RAPGEF5: variants seen among roughly 807,000 people sequenced by gnomAD.
RAPGEF5 encodes M-Ras-regulated GEF.
RAPGEF5 carries 65 observed loss-of-function variants against 125.2 expected under a neutral mutation model. That is an observed-to-expected ratio of 0.52 (90% CI 0.43 to 0.64). The LOEUF (loss-of-function observed/expected upper bound fraction) is 0.64. Among genes scored for constraint, RAPGEF5 ranks in the 30% least tolerant of loss-of-function variants. RAPGEF5 has a pLI of 0.00. For synonymous variants in RAPGEF5, 391 were observed against 385.9 expected, an observed-to-expected ratio of 1.01 and a Z score of -0.16; for missense variants, 958 against 1,048.1, an observed-to-expected ratio of 0.91 and a Z score of 1.19.
intron 7 of RAPGEF5, among the ~76,000 whole-genome samples, chr7:22,264,419 A>G (rs946827967): frequency 5.3e-5 from 8 of 152,252 alleles, no homozygotes; most frequent in Non-Finnish European, 1.0e-4. Flanking sequence ...ACATGCTAAT[A>G]TCATACAGTG....
intron 9 of RAPGEF5, among the ~76,000 whole-genome samples, chr7:22,201,559 C>T (rs1785277706): frequency 1.3e-5 from 2 of 152,156 alleles, no homozygotes; most frequent in African/African-American, 2.4e-5. Flanking sequence ...AATCTAAAAG[C>T]TTTAGGGTAG....
chr7:22,209,133 T>A (rs1191913033), intron 9 of RAPGEF5, among the ~76,000 whole-genome samples: 1 of 152,226 alleles, frequency 6.6e-6, no homozygotes, highest in Non-Finnish European at 1.5e-5. Context: ...TCAGAGGTGA[T>A]TGCCAAATTA....
intron 1 of RAPGEF5, among the ~76,000 whole-genome samples, chr7:22,352,034 G>A (rs1784340176): frequency 6.6e-6 from 1 of 152,204 alleles, no homozygotes. Flanking sequence ...AGAGAATTAG[G>A]CCCTTCTGAT....
intron 11 of RAPGEF5, chr7:22,193,012 G>T: frequency 3.4e-6 from 1 of 298,480 alleles, no homozygotes; most frequent in Non-Finnish European, 6.2e-6. Context: ...CCAGGTGAAC[G>T]CCTGCTAACC....
chr7:22,347,837 G>C (rs1466539887), intron 1 of RAPGEF5, among the ~76,000 whole-genome samples: 2 of 152,150 alleles, frequency 1.3e-5, no homozygotes, highest in Non-Finnish European at 2.9e-5. Flanking sequence ...TATGATAAAT[G>C]TTATATTAGG....
At chr7:22,219,090 T>C (rs1785713525) in intron 9 of RAPGEF5, among the ~76,000 whole-genome samples, 1 of 152,142 alleles carries the variant, frequency 6.6e-6, no homozygotes, top group South Asian at 2.1e-4. Flanking sequence ...AACACATGTA[T>C]AAGCGCAGAG....
intron 5 of RAPGEF5, among the ~76,000 whole-genome samples, chr7:22,295,128 C>T (rs1374401448): frequency 6.6e-6 from 1 of 152,104 alleles, no homozygotes; most frequent in Non-Finnish European, 1.5e-5. Flanking sequence ...GTAAGTTTTG[C>T]TTAACAAAGC....
chr7:22,138,067 A>G (rs897538622), intron 21 of RAPGEF5, among the ~76,000 whole-genome samples: 1 of 151,900 alleles, frequency 6.6e-6, no homozygotes, highest in Non-Finnish European at 1.5e-5. Context: ...CAACAAACAG[A>G]GGACCAATTA....
At chr7:22,323,846 A>T (rs148709157) in intron 1 of RAPGEF5, among the ~76,000 whole-genome samples, 1 of 152,366 alleles carries the variant, frequency 6.6e-6, no homozygotes, top group Non-Finnish European at 1.5e-5. Flanking sequence ...AATGAGGATC[A>T]GGAAGAAAGG....
intron 11 of RAPGEF5, chr7:22,192,686 G>T (rs1240331885): frequency 2.6e-5 from 4 of 152,248 alleles, no homozygotes; most frequent in Admixed American, 6.5e-5. Flanking sequence ...GGAAGTTACA[G>T]GTAAGTCATT....
At chr7:22,158,011 G>T in intron 14 of RAPGEF5, 126 bp from the exon 15 acceptor site, 1 of 826,400 alleles carries the variant, frequency 1.2e-6, no homozygotes, top group Non-Finnish European at 1.9e-6. Flanking sequence ...ATAAAACACA[G>T]TATTCATTAA....
intron 11 of RAPGEF5, among the ~76,000 whole-genome samples, chr7:22,171,602 G>A (rs1784351400): frequency 6.6e-6 from 1 of 152,086 alleles, no homozygotes; most frequent in Non-Finnish European, 1.5e-5. Context: ...AGATTCAAGT[G>A]ATTCTCCGGC....
chr7:22,217,986 T>G (rs1193616853), intron 9 of RAPGEF5, among the ~76,000 whole-genome samples: 1 of 152,148 alleles, frequency 6.6e-6, no homozygotes, highest in East Asian at 1.9e-4. Context: ...TTAATTATAC[T>G]TTAAGTTTTA....
At chr7:22,347,906 C>T (rs923175078) in intron 1 of RAPGEF5, among the ~76,000 whole-genome samples, 1 of 152,022 alleles carries the variant, frequency 6.6e-6, no homozygotes, top group Non-Finnish European at 1.5e-5. Context: ...CAGGGCTTAC[C>T]GAAGCATTTG....
intron 11 of RAPGEF5, among the ~76,000 whole-genome samples, chr7:22,178,697 A>G (rs755575432): frequency 1.3e-5 from 2 of 152,178 alleles, no homozygotes; most frequent in Non-Finnish European, 2.9e-5. Context: ...TTCATGGCAC[A>G]TGGATGTGTT....
At chr7:22,304,560 C>T (rs141784744) in intron 5 of RAPGEF5, among the ~76,000 whole-genome samples, 49 of 152,268 alleles carry the variant, frequency 3.2e-4, no homozygotes, top group African/African-American at 1.1e-3. Flanking sequence ...ATTTGTTTTC[C>T]GAGTGGCGGA....
intron 6 of RAPGEF5, among the ~76,000 whole-genome samples, chr7:22,288,273 A>G (rs988666231): frequency 2.6e-5 from 4 of 152,070 alleles, no homozygotes; most frequent in African/African-American, 9.7e-5. Context: ...TCAATCTGCA[A>G]CTTCTCTGTG....
rs759045074 is a variant in RAPGEF5, at chr7:22,136,917, T to C, written c.2328+16A>G. 7 of 1,554,212 alleles carry C rather than the reference T, an allele frequency of 4.5e-6. No individual in the cohort carries two copies. The South Asian group carries it at 7.0e-5, about 15-fold the overall frequency. Reference sequence around the variant, plus strand: ...ATTATTTTGAAGAATAAGTCCCCTTTGGCTCAACTACTTACTGTTAAACTT... The same window carrying C: ...ATTATTTTGAAGAATAAGTCCCCTTCGGCTCAACTACTTACTGTTAAACTT... On this transcript the variant is annotated intron_variant, in intron 22 of 25. Transcript: ENST00000665637.
intron 9 of RAPGEF5, among the ~76,000 whole-genome samples, chr7:22,213,536 T>C (rs1785558600): frequency 6.6e-6 from 1 of 152,210 alleles, no homozygotes; most frequent in South Asian, 2.1e-4. Flanking sequence ...TCTACTTTTT[T>C]GTTACTCTGT....
Sources: gnomAD v4.1 joint callset for allele counts (sites outside exome capture counted in the v4.1 genomes callset) on GRCh38, gnomAD v4.1.1 for gene constraint, MANE v1.5 for transcripts, NCBI Gene and HGNC (gene_info 2026-07-23, HGNC 2026-07-21) for gene names.